LAPTM4B: variants seen among roughly 807,000 people sequenced by gnomAD.
LAPTM4B encodes the protein lysosomal-associated transmembrane protein 4B.
Under a neutral mutation model 28.5 loss-of-function variants are expected in LAPTM4B, and 26 were observed. The ratio of observed to expected loss-of-function variants is 0.91; its 90% CI spans 0.67 to 1.27. The LOEUF (loss-of-function observed/expected upper bound fraction) is 1.27. Among genes scored for constraint, LAPTM4B ranks in the 50% most tolerant of loss-of-function variants. The pLI is 0.00. For synonymous variants in LAPTM4B, 109 were observed against 106.4 expected, an observed-to-expected ratio of 1.02 and a Z score of -0.15; for missense variants, 288 against 285.8, an observed-to-expected ratio of 1.01 and a Z score of -0.06.
At chr8:97,810,240 T>C (rs982532639) in intron 2 of LAPTM4B, among the ~76,000 whole-genome samples, 5 of 152,282 alleles carry the variant, frequency 3.3e-5, no homozygotes, top group South Asian at 4.1e-4. Context: ...TTCAGTGTTA[T>C]AAAAATTGAC....
At chr8:97,819,271 A>G in intron 5 of LAPTM4B, 33 bp downstream of exon 5, 1 of 1,313,548 alleles carries the variant, frequency 7.6e-7, no homozygotes, top group Non-Finnish European at 1.1e-6. Flanking sequence ...TAGTCTAAAA[A>G]TATTAAGTGT....
chr8:97,778,483 T>C lies in LAPTM4B; in HGVS notation c.99+2375T>C, dbSNP rs1816260542. Reference sequence around the variant, plus strand: ...CCACCCGCTTCCTCAAGGACTTAACTTGTGCAAGCTGACTCCCAGCACATC... The same window carrying C: ...CCACCCGCTTCCTCAAGGACTTAACCTGTGCAAGCTGACTCCCAGCACATC... On this transcript the variant is annotated intron_variant, in intron 1 of 6. Transcript: ENST00000521545. Among the ~76,000 whole-genome samples the C allele has an allele frequency of 3.3e-5, 5 of 152,120 alleles. No individual in the cohort carries two copies. The South Asian group carries it at 1.0e-3, about 31-fold the overall frequency.
At chr8:97,800,580 T>C (rs2129760228) in intron 1 of LAPTM4B, among the ~76,000 whole-genome samples, 1 of 137,394 alleles carries the variant, frequency 7.3e-6, no homozygotes, top group African/African-American at 2.7e-5. Context: ...CACGGTAACC[T>C]CCGCCTCCCG....
intron 6 of LAPTM4B, among the ~76,000 whole-genome samples, chr8:97,843,655 ATG>A (rs993072589): frequency 6.6e-6 from 1 of 151,640 alleles, no homozygotes; most frequent in African/African-American, 2.4e-5. Context: ...TGGCAGGTGC[ATG>A]TAATCCCAGC....
chr8:97,820,311 T>TTTTTC (rs1816985274), intron 5 of LAPTM4B, among the ~76,000 whole-genome samples: 1 of 148,846 alleles, frequency 6.7e-6, no homozygotes, highest in Admixed American at 6.7e-5. Context: ...TTTCTTTTTT[T>TTTTTC]TTTTTTTTTG....
intron 1 of LAPTM4B, among the ~76,000 whole-genome samples, chr8:97,777,670 T>C (rs1262943766): frequency 6.6e-6 from 1 of 152,224 alleles, no homozygotes; most frequent in Admixed American, 6.5e-5. Flanking sequence ...AATATAAATT[T>C]TTGGCGTGAA....
intron 5 of LAPTM4B, among the ~76,000 whole-genome samples, chr8:97,820,263 G>A (rs1470318031): frequency 6.8e-6 from 1 of 147,320 alleles, no homozygotes; most frequent in Admixed American, 6.7e-5. Context: ...GGCTCTTTAT[G>A]CTTTCAACTT....
chr8:97,839,594 A>C lies in LAPTM4B; in HGVS notation c.604-11803A>C, dbSNP rs542859915. 2.6e-5 allele frequency among the ~76,000 whole-genome samples: 4 copies of C among 152,310 alleles called. No individual in the cohort carries two copies. In the East Asian group the frequency reaches 7.7e-4, roughly 29 times the overall value. On this transcript the variant is annotated intron_variant, in intron 6 of 6. Coordinates refer to ENST00000521545, the MANE Select transcript of LAPTM4B (RefSeq NM_018407.6). ...CCAGAGCAACATTCGAGAAGACTACACGAGCACTTGTAAACGTTAGGAGGC... is the reference window on the plus strand; with the variant it reads ...CCAGAGCAACATTCGAGAAGACTACCCGAGCACTTGTAAACGTTAGGAGGC...
In LAPTM4B at chr8:97,819,231, CT is replaced by C. The variant is rs1333607031; in HGVS notation, c.504del (p.Phe168LeufsTer5). On this transcript the variant is annotated frameshift_variant, in exon 5 of 7. Transcript: ENST00000521545. LOFTEE classifies it high-confidence loss of function. ...IILLFISIIL[T>X]FKGYLISCVW... ...CTTCTGTTTATTAGCATTATCTTGA[CT>C]TTTAAGGTAAGCATGAAGATTTTAC... 4.5e-6 allele frequency: 7 copies of C among 1,568,942 alleles called. No individual in the cohort carries two copies. Among genetic ancestry groups the C allele is most frequent in the African/African-American group, 1.4e-5 (1 of 73,862 alleles).
intron 6 of LAPTM4B, among the ~76,000 whole-genome samples, chr8:97,850,476 G>GTGTGTGTGTGTGTGTGTGTGTATA (rs151009828): frequency 3.4e-5 from 5 of 147,672 alleles, no homozygotes; most frequent in Admixed American, 3.3e-4. Context: ...GTGTGTGTGT[G>GTGTGTGTGTGTGTGTGTGTGTATA]TGTGTGTGTG....
At position 97,850,644 on chromosome 8, in the gene LAPTM4B, GT is replaced by G. The variant is rs544543927; in HGVS notation, c.604-750del. 1.5e-4 allele frequency among the ~76,000 whole-genome samples: 23 copies of G among 150,544 alleles called. No homozygotes were observed. The South Asian group carries it at 3.2e-3, about 21-fold the overall frequency. On this transcript the variant is annotated intron_variant, in intron 6 of 6. Coordinates refer to ENST00000521545, the MANE Select transcript of LAPTM4B (RefSeq NM_018407.6). ...AGAAAATCTAACCAAGTGTGGTTTT[GT>G]TTGTGAATAGTCTTTCCCTTTCCAC...
chr8:97,824,838 A>G (rs1267164851), intron 5 of LAPTM4B, among the ~76,000 whole-genome samples: 2 of 114,162 alleles, frequency 1.8e-5, no homozygotes, highest in Middle Eastern at 3.8e-3. Flanking sequence ...CCATACCCCC[A>G]TTGGTGTAAT....
At chr8:97,778,615 T>G (rs1816262647) in intron 1 of LAPTM4B, among the ~76,000 whole-genome samples, 1 of 152,136 alleles carries the variant, frequency 6.6e-6, no homozygotes, top group East Asian at 1.9e-4. Flanking sequence ...GTCCGGTTGA[T>G]AACACCCAAA....
chr8:97,839,632 G>A (rs1465215019), intron 6 of LAPTM4B, among the ~76,000 whole-genome samples: 1 of 152,152 alleles, frequency 6.6e-6, no homozygotes, highest in African/African-American at 2.4e-5. Context: ...TGCATCTGGG[G>A]GATCTCAGAG....
At chr8:97,793,881 A>G (rs1816543133) in intron 1 of LAPTM4B, among the ~76,000 whole-genome samples, 1 of 152,188 alleles carries the variant, frequency 6.6e-6, no homozygotes, top group Non-Finnish European at 1.5e-5. Flanking sequence ...ATCATAGCTC[A>G]CTGCAGCCTT....
At chr8:97,833,383 TATTGTTATTTTTTA>T (rs1370893927) in intron 6 of LAPTM4B, among the ~76,000 whole-genome samples, 28 of 152,070 alleles carry the variant, frequency 1.8e-4, no homozygotes, top group Non-Finnish European at 4.0e-4. Context: ...AACAAAATGG[TATTGTTATTTTTTA>T]ATTGTTATTT....
intron 1 of LAPTM4B, among the ~76,000 whole-genome samples, chr8:97,785,990 T>C (rs1282202953): frequency 6.6e-6 from 1 of 152,230 alleles, no homozygotes; most frequent in South Asian, 2.1e-4. Context: ...GTAATATATT[T>C]GTTTTGTCAA....
intron 1 of LAPTM4B, among the ~76,000 whole-genome samples, chr8:97,796,838 G>T (rs1427470708): frequency 6.6e-6 from 1 of 152,188 alleles, no homozygotes; most frequent in Non-Finnish European, 1.5e-5. Context: ...TACTCAGGAG[G>T]CTGAGGCAGG....
intron 1 of LAPTM4B, 22 bp from the exon 2 acceptor site, chr8:97,805,331 T>TG (rs112813626): frequency 0.42 from 465,792 of 1,110,404 alleles, 70,498 homozygotes; most frequent in East Asian, 0.45. Flanking sequence ...ATTCTTTTTT[T>TG]TTTTTTTTTT....
Sources: gnomAD v4.1 joint callset for allele counts (sites outside exome capture counted in the v4.1 genomes callset) on GRCh38, gnomAD v4.1.1 for gene constraint, MANE v1.5 for transcripts, NCBI Gene and HGNC (gene_info 2026-07-23, HGNC 2026-07-21) for gene names.